The following OVCH1 variants were observed in gnomAD, a reference collection of about 807,000 sequenced individuals.
OVCH1 encodes ovochymase 1.
A neutral mutation model predicts 138.4 loss-of-function variants in OVCH1; 139 were observed. The observed-to-expected ratio is 1.00, with a 90% confidence interval of 0.87 to 1.16. The LOEUF (loss-of-function observed/expected upper bound fraction) is 1.16, where lower values mean the gene tolerates loss of function less well. Ranked by LOEUF, OVCH1 falls within the 50% of genes most tolerant of loss-of-function variation. OVCH1 has a pLI of 0.00. For missense variants in OVCH1, 1,367 were observed against 1,357.9 expected (o/e 1.01, Z -0.11); for synonymous variants, 453 against 467.8 (o/e 0.97, Z 0.41).
rs111993736 is a variant in OVCH1 at position 29,495,434 on chromosome 12, A to G, written c.305T>C (p.Val102Ala). 6.1e-4 allele frequency: 982 copies of G among 1,613,046 alleles called. 6 individuals are homozygous for G. The African/African-American group carries it at 0.012, about 19-fold the overall frequency. ...AAAGAGGCTGTACTCCCCAGAAGTC[A>G]CAGTTATATTCTTCAGCTGCTTCCT... The change falls in exon 4 of 28, where the codon GTG (valine) becomes GCG (alanine). Residue 102 changes from valine to alanine, a missense_variant. Physicochemically the swap from Val to Ala is moderately conservative, Grantham distance 64. Transcript: ENST00000318184.
At chr12:29,474,811 G>A (rs1164099790) in intron 14 of OVCH1, among the ~76,000 whole-genome samples, 1 of 152,090 alleles carries the variant, frequency 6.6e-6, no homozygotes, top group Admixed American at 6.6e-5. Flanking sequence ...TATGTGGCGT[G>A]TGGAATCTTT....
At chr12:29,474,195 T>TA (rs1188520926) in intron 14 of OVCH1, among the ~76,000 whole-genome samples, 1 of 152,054 alleles carries the variant, frequency 6.6e-6, no homozygotes, top group African/African-American at 2.4e-5. Flanking sequence ...ATATATATAA[T>TA]AAAACAATAC....
At chr12:29,435,390 G>A (rs766692097) in intron 26 of OVCH1, among the ~76,000 whole-genome samples, 3 of 151,944 alleles carry the variant, frequency 2.0e-5, no homozygotes, top group Non-Finnish European at 4.4e-5. Flanking sequence ...TTTTTGAGAC[G>A]GAGTCTCGCT....
At chr12:29,465,831 A>T (rs1168917306) in intron 16 of OVCH1, among the ~76,000 whole-genome samples, 1 of 152,110 alleles carries the variant, frequency 6.6e-6, no homozygotes, top group African/African-American at 2.4e-5. Context: ...TGTTTAAAAA[A>T]GACTTGGAAC....
chr12:29,469,105 G>A (rs1176360182), intron 16 of OVCH1, among the ~76,000 whole-genome samples: 2 of 152,094 alleles, frequency 1.3e-5, no homozygotes, highest in African/African-American at 2.4e-5. Flanking sequence ...ATTTGAATGT[G>A]GGCTACCTTT....
downstream of OVCH1, among the ~76,000 whole-genome samples, chr12:29,409,577 T>C (rs1228544469): frequency 6.6e-6 from 1 of 152,146 alleles, no homozygotes; most frequent in Non-Finnish European, 1.5e-5. Context: ...CCAGTAGTCA[T>C]TCAGGAGCAG....
chr12:29,414,739 A>G (rs1377407520), intron 3 of OVCH1, among the ~76,000 whole-genome samples: 1 of 151,692 alleles, frequency 6.6e-6, no homozygotes, highest in African/African-American at 2.4e-5. Context: ...AGACCTGGAA[A>G]AAAAAAATAT....
At chr12:29,488,981 C>T (rs1943199645) in intron 6 of OVCH1, among the ~76,000 whole-genome samples, 1 of 140,062 alleles carries the variant, frequency 7.1e-6, no homozygotes. Flanking sequence ...AGAGAGCTTC[C>T]CTCACATTTT....
chr12:29,410,101 G>A (rs1227775702), downstream of OVCH1, among the ~76,000 whole-genome samples: 1 of 151,768 alleles, frequency 6.6e-6, no homozygotes, highest in South Asian at 2.1e-4. Context: ...TTGGTTTAAA[G>A]TCTGTTTTAT....
At chr12:29,483,079 T>C (rs137975598) in intron 8 of OVCH1, among the ~76,000 whole-genome samples, 110 of 152,182 alleles carry the variant, frequency 7.2e-4, no homozygotes, top group African/African-American at 2.6e-3. Flanking sequence ...CTAAGATAAA[T>C]CAAGACACTT....
chr12:29,440,554 A>T, intron 25 of OVCH1: 2 of 328,334 alleles, frequency 6.1e-6, no homozygotes, highest in South Asian at 5.1e-5. Flanking sequence ...ATTGATTAAC[A>T]TGCCTTCTCT....
downstream of OVCH1, among the ~76,000 whole-genome samples, chr12:29,408,457 C>T (rs1223975443): frequency 3.5e-3 from 388 of 110,558 alleles, 10 homozygotes; most frequent in African/African-American, 0.01. Context: ...TCATAGATAG[C>T]TCTTATTATT....
intron 26 of OVCH1, among the ~76,000 whole-genome samples, chr12:29,435,635 TGA>T (rs1941345506): frequency 6.6e-6 from 1 of 152,182 alleles, no homozygotes; most frequent in African/African-American, 2.4e-5. Flanking sequence ...ATTACAGGCA[TGA>T]GCTACCGCAC....
intron 15 of OVCH1, among the ~76,000 whole-genome samples, chr12:29,472,493 C>T (rs981752165): frequency 3.3e-5 from 5 of 152,098 alleles, no homozygotes; most frequent in African/African-American, 1.2e-4. Flanking sequence ...TTGATGAGAC[C>T]CATAGCCCAA....
intron 3 of OVCH1, among the ~76,000 whole-genome samples, chr12:29,495,673 G>A (rs904210391): frequency 2.0e-5 from 3 of 152,024 alleles, no homozygotes; most frequent in African/African-American, 7.3e-5. Flanking sequence ...TCTGAGTCAA[G>A]TATTTAAATA....
At chr12:29,426,509 G>C (rs1941181536), downstream of OVCH1, among the ~76,000 whole-genome samples, 3 of 152,172 alleles carry the variant, frequency 2.0e-5, no homozygotes, top group East Asian at 5.8e-4. Flanking sequence ...TCTATCTCTA[G>C]CTAACTAGTG....
the OVCH1 span, among the ~76,000 whole-genome samples, chr12:29,406,079 T>C: frequency 1.3e-5 from 2 of 152,218 alleles, no homozygotes; most frequent in African/African-American, 4.8e-5. Flanking sequence ...AATTGGCTGA[T>C]ACCTTCAAGT....
intron 19 of OVCH1, 100 bp from the exon 20 acceptor site, chr12:29,455,505 G>T: frequency 1.6e-6 from 2 of 1,276,404 alleles, no homozygotes; most frequent in South Asian, 1.9e-5. Flanking sequence ...TTTGTAATGT[G>T]TTTAATTCCT....
At chr12:29,474,441 A>G (rs1273578500) in intron 14 of OVCH1, among the ~76,000 whole-genome samples, 1 of 152,200 alleles carries the variant, frequency 6.6e-6, no homozygotes, top group African/African-American at 2.4e-5. Flanking sequence ...GAGATAATGC[A>G]TGTGAAATGC....
Sources: gnomAD v4.1 joint callset for allele counts (sites outside exome capture counted in the v4.1 genomes callset) on GRCh38, gnomAD v4.1.1 for gene constraint, MANE v1.5 for transcripts, NCBI Gene and HGNC (gene_info 2026-07-23, HGNC 2026-07-21) for gene names.